The following LINC00237 variants were observed in gnomAD, a reference collection of about 807,000 sequenced individuals.
LINC00237 encodes long intergenic non-protein coding RNA 237.
intron 1 of LINC00237, among the ~76,000 whole-genome samples, chr20:21,099,288 T>TGG (rs898851851): frequency 4.6e-5 from 7 of 152,204 alleles, no homozygotes; most frequent in African/African-American, 1.7e-4. Flanking sequence ...CCCTGCTTTC[T>TGG]GGTAAACGCA....
intron 1 of LINC00237, among the ~76,000 whole-genome samples, chr20:21,102,832 T>C (rs1463390419): frequency 1.3e-5 from 2 of 152,182 alleles, no homozygotes; most frequent in African/African-American, 4.8e-5. Context: ...TTGATTCTTT[T>C]TGAAATGTCT....
chr20:21,086,998 T>G (rs949331050), intron 3 of LINC00237, among the ~76,000 whole-genome samples: 1 of 143,658 alleles, frequency 7.0e-6, no homozygotes, highest in African/African-American at 2.6e-5. Flanking sequence ...AGTACATATA[T>G]AGTACATATA....
At chr20:21,096,165 C>T (rs888622070) in intron 1 of LINC00237, among the ~76,000 whole-genome samples, 4 of 152,140 alleles carry the variant, frequency 2.6e-5, no homozygotes, top group Non-Finnish European at 5.9e-5. Flanking sequence ...AAAGCCAGGA[C>T]GGGGATTACT....
chr20:21,101,070 A>G lies in LINC00237; in HGVS notation n.88+5201T>C, dbSNP rs960688505. On this transcript the variant is annotated intron_variant and non_coding_transcript_variant, in intron 1 of 3. Transcript: ENST00000691244. This position sits in a 1 kb window ranked among gnomAD's most constrained non-coding sequence, Gnocchi z 4.3. ...AAACAGCCCCACCGAGAGCCGCTGA[A>G]TGGGCGTGATTAGCATGTGAAAAGG... 2.0e-5 allele frequency among the ~76,000 whole-genome samples: 3 copies of G among 152,174 alleles called. No homozygotes were observed. Among genetic ancestry groups the G allele is most frequent in the African/African-American group, 7.2e-5 (3 of 41,424 alleles).
At chr20:21,091,585 C>G (rs751809387) in intron 2 of LINC00237, among the ~76,000 whole-genome samples, 23 of 151,662 alleles carry the variant, frequency 1.5e-4, no homozygotes, top group Non-Finnish European at 3.2e-4. Flanking sequence ...TTGACAACTT[C>G]TATTAATTTT....
intron 1 of LINC00237, among the ~76,000 whole-genome samples, chr20:21,103,008 G>A (rs1025645231): frequency 6.6e-6 from 1 of 152,230 alleles, no homozygotes; most frequent in African/African-American, 2.4e-5. Flanking sequence ...TGTGCTGAGA[G>A]CGGAGAAGGA....
intron 1 of LINC00237, among the ~76,000 whole-genome samples, chr20:21,097,017 A>G (rs2030867278): frequency 2.0e-5 from 3 of 152,232 alleles, no homozygotes; most frequent in Non-Finnish European, 4.4e-5. Flanking sequence ...TGTGACACTC[A>G]ACCTGTCGGA....
intron 1 of LINC00237, among the ~76,000 whole-genome samples, chr20:21,103,342 G>A (rs1188221970): frequency 6.6e-6 from 1 of 152,154 alleles, no homozygotes; most frequent in Non-Finnish European, 1.5e-5. Flanking sequence ...GGTGGAGGGG[G>A]CGGTGGCAGG....
chr20:21,090,164 G>C (rs1170124023), intron 2 of LINC00237: 1 of 152,190 alleles, frequency 6.6e-6, no homozygotes, highest in Non-Finnish European at 1.5e-5. Flanking sequence ...ATTTGGTTCC[G>C]CTTTCCGACA....
intron 1 of LINC00237, among the ~76,000 whole-genome samples, chr20:21,100,618 A>C (rs1272977886): frequency 6.6e-6 from 1 of 152,158 alleles, no homozygotes; most frequent in African/African-American, 2.4e-5. Flanking sequence ...GTTCTTTGTA[A>C]AACCAAACCA....
At chr20:21,086,496 TAG>T (rs1362779141) in intron 3 of LINC00237, among the ~76,000 whole-genome samples, 4 of 146,524 alleles carry the variant, frequency 2.7e-5, no homozygotes, top group South Asian at 2.1e-4. Flanking sequence ...TCTATATATA[TAG>T]AGAGAGATAC....
chr20:21,105,666 G>A (rs910846574), intron 1 of LINC00237, among the ~76,000 whole-genome samples: 1 of 152,202 alleles, frequency 6.6e-6, no homozygotes, highest in Non-Finnish European at 1.5e-5. Context: ...GTGCCGGCCA[G>A]GAGTCCCTCC....
chr20:21,100,526 GT>G (rs2030917107), intron 1 of LINC00237, among the ~76,000 whole-genome samples: 1 of 152,188 alleles, frequency 6.6e-6, no homozygotes, highest in African/African-American at 2.4e-5. Flanking sequence ...TCTGGCTTCC[GT>G]TTACTTATTT....
chr20:21,096,476 A>T (rs1412002794), intron 1 of LINC00237, among the ~76,000 whole-genome samples: 3 of 152,160 alleles, frequency 2.0e-5, no homozygotes, highest in Non-Finnish European at 4.4e-5. Context: ...GCTGCAAGGG[A>T]GGCTGGGAAA....
intron 2 of LINC00237, among the ~76,000 whole-genome samples, chr20:21,088,405 T>G (rs2030743651): frequency 6.6e-6 from 1 of 152,146 alleles, no homozygotes; most frequent in South Asian, 2.1e-4. Context: ...TTCCTTCTCA[T>G]CCAGGTAACA....
At chr20:21,105,508 G>C (rs1422603732) in intron 1 of LINC00237, among the ~76,000 whole-genome samples, 1 of 152,166 alleles carries the variant, frequency 6.6e-6, no homozygotes, top group Non-Finnish European at 1.5e-5. Flanking sequence ...CCGCCTACCT[G>C]GGCCGGGGCA....
At chr20:21,088,595 T>C (rs1045938289) in intron 2 of LINC00237, among the ~76,000 whole-genome samples, 2 of 152,180 alleles carry the variant, frequency 1.3e-5, no homozygotes, top group Admixed American at 1.3e-4. Context: ...AAGATAAAAG[T>C]AGAAATAGCC....
chr20:21,091,054 T>C (rs1185052560), intron 2 of LINC00237, among the ~76,000 whole-genome samples: 3 of 150,164 alleles, frequency 2.0e-5, no homozygotes, highest in Admixed American at 6.6e-5. Flanking sequence ...TGCGTGTGTG[T>C]GTGTGCGTGT....
Position 21,101,161 on chromosome 20 carries a change from T to C in LINC00237, n.88+5110A>G, listed in dbSNP as rs2122182189. On this transcript the variant is annotated intron_variant and non_coding_transcript_variant, in intron 1 of 3. Coordinates refer to ENST00000691244, the Ensembl canonical transcript of LINC00237. This position sits in a 1 kb window ranked among gnomAD's most constrained non-coding sequence, Gnocchi z 4.3. ...ATGGGGCTGGGATGGGGAAATTACTTGATTAGCGTCCATCGGAGGAGAACA... is the reference window on the plus strand; with the variant it reads ...ATGGGGCTGGGATGGGGAAATTACTCGATTAGCGTCCATCGGAGGAGAACA... 6.6e-6 allele frequency among the ~76,000 whole-genome samples: 1 copy of C among 152,184 alleles called. No homozygotes were observed. The highest frequency in any genetic ancestry group is 2.1e-4 in the South Asian group (1 of 4,814).
Sources: gnomAD v4.1 joint callset for allele counts (sites outside exome capture counted in the v4.1 genomes callset) on GRCh38, gnomAD v4.1.1 for gene constraint, Gnocchi (gnomAD v3.1) non-coding constraint, MANE v1.5 for transcripts, NCBI Gene and HGNC (gene_info 2026-07-23, HGNC 2026-07-21) for gene names.